The following ATP2C1 variants were observed in gnomAD, a reference collection of about 807,000 sequenced individuals.
ATP2C1 encodes ATPase secretory pathway Ca2+ transporting 1.
Under a neutral mutation model 120.5 loss-of-function variants are expected in ATP2C1, and 31 were observed. The observed-to-expected ratio is 0.26, with a 90% CI of 0.19 to 0.35. The LOEUF is 0.35. ATP2C1 is among the 10% of genes least tolerant of loss of function. The pLI, the probability that ATP2C1 is intolerant of heterozygous loss-of-function variation, is 1.00. For missense variants in ATP2C1, 731 were observed against 1,107.5 expected, an observed-to-expected ratio of 0.66 and a Z score of 4.83; for synonymous variants, 351 against 358.7, an observed-to-expected ratio of 0.98 and a Z score of 0.24.
chr3:130,966,853 T>C (rs1284100024), intron 14 of ATP2C1, among the ~76,000 whole-genome samples: 1 of 152,216 alleles, frequency 6.6e-6, no homozygotes, highest in African/African-American at 2.4e-5. Flanking sequence ...TAATGTCATA[T>C]AAGTTTAAGC....
intron 2 of ATP2C1, among the ~76,000 whole-genome samples, chr3:130,927,263 C>T (rs1368499222): frequency 6.9e-6 from 1 of 144,210 alleles, no homozygotes; most frequent in Non-Finnish European, 1.5e-5. Context: ...TTTTTTGAGA[C>T]AGAGTCTCGC....
Position 130,894,281 on chromosome 3 carries a change from C to G in ATP2C1, c.-237C>G. The G allele has an allele frequency of 1.0e-6, 1 of 986,190 alleles. No homozygotes were observed. The highest frequency in any genetic ancestry group is 1.2e-6 in the Non-Finnish European group (1 of 830,470). The allele number at this position is 986,190 out of a possible 1,614,324, so 61.1% of individuals were successfully genotyped here. A position where few individuals can be genotyped will look rare whatever the true frequency, so the allele number is the denominator to read the frequency against. ...TTCTCCCGAGGCGCGCGGGGCGCCCCCGCGAGCCCCGCGGCTGAGACCCCG... is the reference window on the plus strand; with the variant it reads ...TTCTCCCGAGGCGCGCGGGGCGCCCGCGCGAGCCCCGCGGCTGAGACCCCG... On this transcript the variant is annotated 5_prime_UTR_variant, in exon 1 of 28. Transcript: ENST00000510168. This position sits in a 1 kb window ranked among gnomAD's most constrained non-coding sequence, Gnocchi z 4.5.
chr3:130,857,918 G>C (rs2067894232), intron 1 of ATP2C1, among the ~76,000 whole-genome samples: 1 of 152,170 alleles, frequency 6.6e-6, no homozygotes, highest in South Asian at 2.1e-4. Context: ...AACCTCAAAA[G>C]TAGGGAAGCT....
Position 130,998,394 on chromosome 3 carries a change from G to A in ATP2C1, c.2487+5G>A, listed in dbSNP as rs752407354. On this transcript the variant is annotated splice_donor_5th_base_variant and intron_variant, in intron 26 of 27. Transcript: ENST00000510168. ...GCACTAAGTTCCAGATCCCAGGTAT[G>A]TTTAGGTGAACTTAGTTGATTGACT... is the stretch of plus-strand genomic sequence containing the variant. The A allele has an allele frequency of 1.9e-6, 3 of 1,583,178 alleles. No individual in the cohort carries two copies. In the South Asian group the frequency reaches 3.3e-5, roughly 18 times the overall value.
intron 1 of ATP2C1, among the ~76,000 whole-genome samples, chr3:130,883,475 TTTC>T (rs869090162): frequency 1.2e-3 from 89 of 73,458 alleles, no homozygotes; most frequent in Non-Finnish European, 1.4e-3. Context: ...CTTTTTTTTT[TTTC>T]TCCACAGAGT....
chr3:130,988,550 C>T (rs1345660592), intron 20 of ATP2C1, among the ~76,000 whole-genome samples: 1 of 152,124 alleles, frequency 6.6e-6, no homozygotes, highest in East Asian at 1.9e-4. Context: ...CACGGATACC[C>T]ATCTAACTTC....
intron 1 of ATP2C1, among the ~76,000 whole-genome samples, chr3:130,853,515 T>C (rs1364143640): frequency 6.6e-6 from 1 of 152,136 alleles, no homozygotes; most frequent in Non-Finnish European, 1.5e-5. Flanking sequence ...ATCTGCTTCT[T>C]TACTTTTGCA....
chr3:130,982,295 T>G (rs2108794276), intron 20 of ATP2C1, among the ~76,000 whole-genome samples: 1 of 152,372 alleles, frequency 6.6e-6, no homozygotes, highest in Admixed American at 6.5e-5. Flanking sequence ...TTGAAATACT[T>G]TTTAACTTTT....
chr3:130,906,184 A>G (rs375761795), intron 2 of ATP2C1, among the ~76,000 whole-genome samples: 10 of 152,026 alleles, frequency 6.6e-5, no homozygotes, highest in African/African-American at 1.9e-4. Context: ...TAATTCTAGA[A>G]CATTTTTATC....
chr3:130,939,508 G>T (rs1202180193), intron 6 of ATP2C1, among the ~76,000 whole-genome samples: 3 of 152,100 alleles, frequency 2.0e-5, no homozygotes, highest in African/African-American at 7.2e-5. Flanking sequence ...TGATATAGAG[G>T]TATCTTTATA....
intron 22 of ATP2C1, among the ~76,000 whole-genome samples, chr3:130,995,190 G>C (rs1195867523): frequency 6.6e-6 from 1 of 152,066 alleles, no homozygotes; most frequent in Admixed American, 6.5e-5. Flanking sequence ...GAGGTGGATG[G>C]ATCACTTGAG....
intron 1 of ATP2C1, among the ~76,000 whole-genome samples, chr3:130,888,923 T>C (rs541702416): frequency 5.1e-4 from 78 of 152,374 alleles, no homozygotes; most frequent in African/African-American, 1.8e-3. Flanking sequence ...TATTCCGCCA[T>C]CTTGCTCTGC....
In ATP2C1 at chr3:130,894,422, G is replaced by T; in HGVS notation, c.-181+85G>T. The T allele has an allele frequency of 7.9e-7, 1 of 1,261,358 alleles. No individual in the cohort carries two copies. Among genetic ancestry groups the T allele is most frequent in the East Asian group, 3.9e-5 (1 of 25,432 alleles). The allele number at this position is 1,261,358 out of a possible 1,614,324, so 78.1% of individuals were successfully genotyped here. On this transcript the variant is annotated intron_variant, in intron 1 of 27. Transcript: ENST00000510168. The surrounding 1 kb of genome is among the most constrained non-coding windows in gnomAD (Gnocchi z 4.5). ...GGGAGGTTCGGGTATCCCCTGGATGGGGGGGCATCTCTAGGGCGCCGCCCC... is the reference window on the plus strand; with the variant it reads ...GGGAGGTTCGGGTATCCCCTGGATGTGGGGGCATCTCTAGGGCGCCGCCCC...
chr3:130,970,380 A>ACACG (rs1168529278), intron 17 of ATP2C1, among the ~76,000 whole-genome samples: 1 of 142,140 alleles, frequency 7.0e-6, no homozygotes, highest in Non-Finnish European at 1.5e-5. Context: ...ACACACACAC[A>ACACG]CACACACACA....
chr3:130,915,244 C>T (rs1434922146), intron 2 of ATP2C1, among the ~76,000 whole-genome samples: 1 of 152,060 alleles, frequency 6.6e-6, no homozygotes, highest in Non-Finnish European at 1.5e-5. Context: ...AAGGCGCCTG[C>T]CACTACGTCC....
At chr3:130,891,109 A>G (rs1235256791), upstream of ATP2C1, among the ~76,000 whole-genome samples, 1 of 152,246 alleles carries the variant, frequency 6.6e-6, no homozygotes, top group Non-Finnish European at 1.5e-5. Context: ...TGTTCAACTT[A>G]AAATAAAATT....
intron 19 of ATP2C1, among the ~76,000 whole-genome samples, chr3:130,980,253 T>TC (rs994280175): frequency 4.6e-4 from 70 of 151,752 alleles, no homozygotes; most frequent in African/African-American, 1.7e-3. Context: ...AAATTCTTTT[T>TC]TTTTTTTTTT....
intron 1 of ATP2C1, among the ~76,000 whole-genome samples, chr3:130,866,512 C>T (rs1321925158): frequency 6.6e-6 from 1 of 152,160 alleles, no homozygotes; most frequent in Admixed American, 6.5e-5. Context: ...AAGCATTGTT[C>T]CAAAGGTCCT....
chr3:130,923,072 C>G (rs1462069555), intron 2 of ATP2C1, among the ~76,000 whole-genome samples: 1 of 152,090 alleles, frequency 6.6e-6, no homozygotes, highest in Non-Finnish European at 1.5e-5. Context: ...AGTTCCCTCA[C>G]TATTATTGTG....
Sources: gnomAD v4.1 joint callset for allele counts (sites outside exome capture counted in the v4.1 genomes callset) on GRCh38, gnomAD v4.1.1 for gene constraint, Gnocchi (gnomAD v3.1) non-coding constraint, MANE v1.5 for transcripts, NCBI Gene and HGNC (gene_info 2026-07-23, HGNC 2026-07-21) for gene names.